LYPD6B: variants seen among roughly 807,000 people sequenced by gnomAD.
LYPD6B encodes ly6/PLAUR domain-containing protein 6B.
A neutral mutation model predicts 22.8 loss-of-function variants in LYPD6B; 17 were observed. That is an observed-to-expected ratio of 0.75 (90% CI 0.51 to 1.12). The LOEUF is 1.12. LYPD6B is among the 50% of genes most tolerant of loss of function. The pLI is 0.00. For missense variants in LYPD6B, 221 were observed against 258.3 expected (o/e 0.86, Z 0.99); for synonymous variants, 106 against 91.6 (o/e 1.16, Z -0.90).
chr2:149,110,275 G>A (rs1305068659), intron 1 of LYPD6B, among the ~76,000 whole-genome samples: 1 of 151,872 alleles, frequency 6.6e-6, no homozygotes, highest in African/African-American at 2.4e-5. Flanking sequence ...GCCTTTGTCT[G>A]ATAATTCTAA....
chr2:149,208,261 C>T (rs1289199388), intron 4 of LYPD6B, 53 bp from the exon 5 acceptor site: 12 of 1,367,246 alleles, frequency 8.8e-6, no homozygotes, highest in Admixed American at 1.7e-5. Flanking sequence ...GTTTGATGTT[C>T]GAAATTTTTG....
At chr2:149,164,519 C>CAAGACCT (rs1640832826) in intron 3 of LYPD6B, among the ~76,000 whole-genome samples, 1 of 152,126 alleles carries the variant, frequency 6.6e-6, no homozygotes, top group East Asian at 1.9e-4. Flanking sequence ...GTGCAATATC[C>CAAGACCT]AAGACCTGTG....
intron 1 of LYPD6B, among the ~76,000 whole-genome samples, chr2:149,120,377 A>ATTTTTTTT (rs1343156188): frequency 2.5e-4 from 11 of 43,140 alleles, no homozygotes; most frequent in African/African-American, 7.0e-4. Context: ...ATATATATAT[A>ATTTTTTTT]TATATATTTT....
intron 1 of LYPD6B, among the ~76,000 whole-genome samples, chr2:149,110,046 C>G (rs915518590): frequency 6.6e-6 from 1 of 152,090 alleles, no homozygotes; most frequent in African/African-American, 2.4e-5. Flanking sequence ...TTTTCCTTCT[C>G]TGTTTTATTT....
chr2:149,183,656 C>A (rs1691896923), intron 3 of LYPD6B, among the ~76,000 whole-genome samples: 1 of 152,104 alleles, frequency 6.6e-6, no homozygotes, highest in South Asian at 2.1e-4. Context: ...GTCCCTATAG[C>A]AACGGCCACA....
At chr2:149,104,451 G>T (rs980226273) in intron 1 of LYPD6B, among the ~76,000 whole-genome samples, 1 of 152,134 alleles carries the variant, frequency 6.6e-6, no homozygotes, top group Non-Finnish European at 1.5e-5. Context: ...AACATACCGT[G>T]TGTTGGTAAG....
intron 1 of LYPD6B, among the ~76,000 whole-genome samples, chr2:149,059,203 C>T: frequency 6.6e-6 from 1 of 152,214 alleles, no homozygotes. Flanking sequence ...GTCTTTTCGA[C>T]CCCATATCAA....
intron 3 of LYPD6B, among the ~76,000 whole-genome samples, chr2:149,169,669 T>C (rs188788898): frequency 5.3e-5 from 8 of 152,320 alleles, no homozygotes; most frequent in African/African-American, 1.9e-4. Context: ...TCGATCCCTG[T>C]TATCACCAGA....
intron 5 of LYPD6B, among the ~76,000 whole-genome samples, chr2:149,212,251 G>A (rs1318201647): frequency 1.3e-5 from 2 of 151,096 alleles, no homozygotes; most frequent in African/African-American, 2.4e-5. Context: ...GCGTGGTGGC[G>A]GGTGCCTGTA....
chr2:149,044,097 A>G (rs912542527), intron 1 of LYPD6B, among the ~76,000 whole-genome samples: 2 of 152,012 alleles, frequency 1.3e-5, no homozygotes, highest in South Asian at 4.1e-4. Flanking sequence ...CAAAATTGCT[A>G]TGACTCTTTT....
intron 4 of LYPD6B, among the ~76,000 whole-genome samples, chr2:149,208,078 C>A (rs1397651515): frequency 6.6e-6 from 1 of 152,046 alleles, no homozygotes; most frequent in South Asian, 2.1e-4. Flanking sequence ...AGCTGTGGGA[C>A]CACTTTCATC....
At chr2:149,052,171 C>T (rs1683590568) in intron 1 of LYPD6B, among the ~76,000 whole-genome samples, 1 of 152,006 alleles carries the variant, frequency 6.6e-6, no homozygotes, top group Non-Finnish European at 1.5e-5. Context: ...ATTCTTCTGC[C>T]TCAGCCTCCC....
At chr2:149,050,807 C>T (rs1173436443) in intron 1 of LYPD6B, among the ~76,000 whole-genome samples, 2 of 152,208 alleles carry the variant, frequency 1.3e-5, no homozygotes, top group Admixed American at 1.3e-4. Flanking sequence ...CCCGGAGCTA[C>T]AGTTGTAGTG....
At chr2:149,131,630 C>G (rs139873130) in intron 2 of LYPD6B, 9 of 152,322 alleles carry the variant, frequency 5.9e-5, no homozygotes, top group African/African-American at 2.2e-4. Flanking sequence ...TCTTCAGAAT[C>G]CCAAAAGAAA....
At chr2:149,088,030 G>A (rs562176036) in intron 1 of LYPD6B, among the ~76,000 whole-genome samples, 18 of 151,930 alleles carry the variant, frequency 1.2e-4, no homozygotes, top group Admixed American at 6.6e-4. Flanking sequence ...ATCCACATTC[G>A]GCCTTCATAA....
At chr2:149,060,264 A>G (rs1246468926) in intron 1 of LYPD6B, among the ~76,000 whole-genome samples, 3 of 152,130 alleles carry the variant, frequency 2.0e-5, no homozygotes, top group Non-Finnish European at 4.4e-5. Context: ...TGCCTTGACC[A>G]CTTTCCAACT....
At chr2:149,147,790 AG>A (rs1341101856) in intron 2 of LYPD6B, among the ~76,000 whole-genome samples, 1 of 152,124 alleles carries the variant, frequency 6.6e-6, no homozygotes, top group African/African-American at 2.4e-5. Flanking sequence ...CTGGGATTAT[AG>A]GTGTGAGCCA....
intron 2 of LYPD6B, chr2:149,142,224 A>C (rs992467288): frequency 6.6e-6 from 1 of 152,178 alleles, no homozygotes; most frequent in Non-Finnish European, 1.5e-5. Flanking sequence ...GGGTGACTTC[A>C]TCACCCAGCC....
chr2:149,172,499 G>A (rs1194861518), intron 3 of LYPD6B, among the ~76,000 whole-genome samples: 1 of 152,204 alleles, frequency 6.6e-6, no homozygotes, highest in Non-Finnish European at 1.5e-5. Context: ...GGTCAGAGTT[G>A]ATGCAGGATG....
Sources: gnomAD v4.1 joint callset for allele counts (sites outside exome capture counted in the v4.1 genomes callset) on GRCh38, gnomAD v4.1.1 for gene constraint, MANE v1.5 for transcripts, NCBI Gene and HGNC (gene_info 2026-07-23, HGNC 2026-07-21) for gene names.